Variants in CLBA1 observed in about 807,000 individuals in gnomAD.
The protein encoded by CLBA1 is uncharacterized protein CLBA1.
CLBA1 carries 30 observed loss-of-function variants against 28.8 expected under a neutral mutation model. That is an observed-to-expected ratio of 1.04 (90% CI 0.78 to 1.41). CLBA1 has a LOEUF of 1.41. Ranked by LOEUF, CLBA1 falls within the 40% of genes most tolerant of loss-of-function variation. The pLI is 0.00. For synonymous variants in CLBA1, 160 were observed against 152.8 expected (o/e 1.05, Z -0.35); for missense variants, 451 against 412.3 (o/e 1.09, Z -0.81).
chr14:104,987,637 T>TTTTTTTTTTG (rs1327414333), intron 1 of CLBA1, among the ~76,000 whole-genome samples: 2 of 120,424 alleles, frequency 1.7e-5, no homozygotes, highest in South Asian at 5.5e-4. Context: ...TTTTTTTTTT[T>TTTTTTTTTTG]GAGACAGCCT....
chr14:104,994,285 G>A (rs1169287572), intron 4 of CLBA1: 1 of 985,308 alleles, frequency 1.0e-6, no homozygotes, highest in African/African-American at 1.7e-5. Context: ...AGTGTGCAGG[G>A]TAGTGGCAGC....
chr14:104,993,507 C>A, intron 4 of CLBA1: 1 of 985,476 alleles, frequency 1.0e-6, no homozygotes, highest in Non-Finnish European at 1.2e-6. Flanking sequence ...TACACAGGGT[C>A]TGCCCACAGC....
At chr14:105,001,035 G>C (rs1900256033) in intron 2 of CLBA1, among the ~76,000 whole-genome samples, 1 of 143,918 alleles carries the variant, frequency 6.9e-6, no homozygotes, top group Non-Finnish European at 1.5e-5. Context: ...AGAAAATGTG[G>C]TACATACGCA....
intron 4 of CLBA1, chr14:104,994,319 G>A (rs1015027492): frequency 5.1e-6 from 5 of 985,320 alleles, no homozygotes; most frequent in South Asian, 9.4e-5. Context: ...TGCCAGACAC[G>A]TAGCACAAGG....
At position 104,994,197 on chromosome 14, in the gene CLBA1, C is replaced by T. The variant is rs577424521; in HGVS notation, c.817-401C>T. 8.9e-5 allele frequency: 88 copies of T among 985,400 alleles called. No individual in the cohort carries two copies. In the African/African-American group the frequency reaches 1.4e-3, roughly 15 times the overall value. The allele number at this position is 985,400 out of a possible 1,614,324, so 61.0% of individuals were successfully genotyped here. On this transcript the variant is annotated intron_variant, in intron 4 of 4. Transcript: ENST00000547315. ...TCGTGGCTGTGTTGTTCACAGCAGCCGGTGGGGGAGACGTCCAGCCGCAGC... is the reference window on the plus strand; with the variant it reads ...TCGTGGCTGTGTTGTTCACAGCAGCTGGTGGGGGAGACGTCCAGCCGCAGC...
chr14:104,993,489 G>A (rs939656153), intron 4 of CLBA1: 8 of 985,298 alleles, frequency 8.1e-6, no homozygotes, highest in East Asian at 1.1e-4. Context: ...GTCACGGGCC[G>A]CTTACCCTAC....
rs748372002 is a variant in CLBA1, at chr14:104,986,902, A to C, written c.423+48A>C. ...ACCATGTTGAGTGGGACGTGTACAC[A>C]CCAAGAGGCCTACAGCCCTCGAATG... On this transcript the variant is annotated intron_variant, in intron 1 of 4. Transcript: ENST00000547315. The C allele has an allele frequency of 1.8e-5, 29 of 1,584,390 alleles. No individual in the cohort carries two copies. The African/African-American group carries it at 3.1e-4, about 17-fold the overall frequency.
Position 104,986,078 on chromosome 14 carries a change from G to A in CLBA1, c.-354G>A, listed in dbSNP as rs1899845382. 3.3e-6 allele frequency: 1 copy of A among 298,870 alleles called. No individual in the cohort carries two copies. Among genetic ancestry groups the A allele is most frequent in the Non-Finnish European group, 6.4e-6 (1 of 155,626 alleles). The allele number at this position is 298,870 out of a possible 1,614,324, so 18.5% of individuals were successfully genotyped here. On this transcript the variant is annotated 5_prime_UTR_variant, in exon 1 of 5. Coordinates refer to ENST00000547315, the MANE Select transcript of CLBA1 (RefSeq NM_174891.4). The stretch of plus-strand genomic sequence containing the variant: ...GCTCTCGCTCCTCTGGCCAGCGTGG[G>A]CCTCCCAGGCCCCCTCGCGGCTCTC...
chr14:104,998,993 G>A (rs1900215372), downstream of CLBA1, among the ~76,000 whole-genome samples: 1 of 152,250 alleles, frequency 6.6e-6, no homozygotes, highest in African/African-American at 2.4e-5. Flanking sequence ...GTGCTGAGTA[G>A]AGAGTGGTGC....
chr14:104,992,189 C>T (rs1411715183), intron 3 of CLBA1, among the ~76,000 whole-genome samples: 5 of 148,802 alleles, frequency 3.4e-5, no homozygotes, highest in Non-Finnish European at 4.5e-5. Flanking sequence ...CACACTGCCA[C>T]GGCCACCACT....
Position 104,986,443 on chromosome 14 carries a change from G to A in CLBA1, c.12G>A (p.Arg4=), listed in dbSNP as rs769406256. 6.2e-7 allele frequency: 1 copy of A among 1,612,570 alleles called. No homozygotes were observed. Among genetic ancestry groups the A allele is most frequent in the South Asian group, 1.1e-5 (1 of 91,084 alleles). ...CTGGGGGCTCCAAGATGCAAGGCCG[G>A]CGGGAGCTGGGGGGAGAGCCTTTGA... is the stretch of plus-strand genomic sequence containing the variant. MQG[R]RELGGEPLSD... is the part of the protein sequence containing the mutation. Residue 4 remains arginine (R), a synonymous_variant, in exon 1 of 5, where the codon CGG becomes CGA. Coordinates refer to ENST00000547315, the MANE Select transcript of CLBA1 (RefSeq NM_174891.4).
chr14:104,992,137 C>T (rs1408119009), intron 3 of CLBA1, among the ~76,000 whole-genome samples: 1 of 149,636 alleles, frequency 6.7e-6, no homozygotes, highest in East Asian at 2.0e-4. Flanking sequence ...ACGCACACGC[C>T]GCCATGCACA....
chr14:104,987,686 C>T (rs1899905265), intron 1 of CLBA1, among the ~76,000 whole-genome samples: 1 of 118,306 alleles, frequency 8.5e-6, no homozygotes, highest in Non-Finnish European at 1.6e-5. Context: ...GGCACTGTGT[C>T]GGCTCACTGC....
Position 104,995,385 on chromosome 14 carries a change from C to T in CLBA1, c.*626C>T, listed in dbSNP as rs1595446283. The T allele has an allele frequency of 2.0e-6, 2 of 985,324 alleles. No homozygotes were observed. The highest frequency in any genetic ancestry group is 6.1e-5 in the Admixed American group (1 of 16,266). 61.0% of individuals were successfully genotyped at this position (985,324 alleles called of 1,614,324 possible). A position where few individuals can be genotyped will look rare whatever the true frequency, so the allele number is the denominator to read the frequency against. ...GTGGACAGGAGGTCGCACCACTGGC[C>T]TGCGAGAGCCTCTGGTGGGCCCGTG... On this transcript the variant is annotated 3_prime_UTR_variant, in exon 5 of 5. Coordinates refer to ENST00000547315, the MANE Select transcript of CLBA1 (RefSeq NM_174891.4).
intron 3 of CLBA1, among the ~76,000 whole-genome samples, chr14:104,992,049 A>ACCACGCACACGCCGCCACGCACACCCCG (rs1480072496): frequency 7.6e-6 from 1 of 132,342 alleles, no homozygotes; most frequent in Non-Finnish European, 1.6e-5. Context: ...CGCACACGCC[A>ACCACGCACACGCCGCCACGCACACCCCG]CCACGCACAC....
At chr14:104,991,701 G>C in intron 3 of CLBA1, 81 bp downstream of exon 3, 1 of 1,500,308 alleles carries the variant, frequency 6.7e-7, no homozygotes, top group Non-Finnish European at 8.9e-7. Flanking sequence ...CCGCGCCCAA[G>C]GGGTGGGTGC....
At chr14:104,988,558 C>T (rs1018602980) in intron 1 of CLBA1, among the ~76,000 whole-genome samples, 19 of 152,174 alleles carry the variant, frequency 1.2e-4, no homozygotes, top group African/African-American at 4.1e-4. Flanking sequence ...CCAGGCTGGT[C>T]TCGAACTCCT....
intron 3 of CLBA1, 33 bp from the exon 4 acceptor site, chr14:104,992,915 G>A: frequency 1.3e-6 from 2 of 1,499,282 alleles, no homozygotes; most frequent in Non-Finnish European, 1.9e-6. Context: ...AATGATGACT[G>A]TACCGGCTGT....
chr14:104,988,073 T>C (rs181167247), intron 1 of CLBA1, among the ~76,000 whole-genome samples: 39 of 131,754 alleles, frequency 3.0e-4, no homozygotes, highest in Non-Finnish European at 5.4e-5. Context: ...AATTAGAGCA[T>C]AGTTGAAATT....
Sources: allele counts gnomAD v4.1 joint callset (sites outside exome capture counted in the v4.1 genomes callset), GRCh38; gene constraint gnomAD v4.1.1; transcripts MANE v1.5; gene names NCBI Gene and HGNC (gene_info 2026-07-23, HGNC 2026-07-21).